Variants in ENOPH1 observed in about 807,000 individuals in gnomAD.
ENOPH1 encodes the protein enolase-phosphatase 1.
ENOPH1 carries 14 observed loss-of-function variants against 31.1 expected under a neutral mutation model. The ratio of observed to expected loss-of-function variants is 0.45; its 90% CI spans 0.30 to 0.70. The LOEUF is 0.70. Ranked by LOEUF, ENOPH1 falls within the 30% of genes least tolerant of loss-of-function variation. The pLI, the probability that ENOPH1 is intolerant of heterozygous loss-of-function variation, is 0.09. For missense variants in ENOPH1, 243 were observed against 321.5 expected (o/e 0.76, Z 1.87); for synonymous variants, 127 against 123.2 (o/e 1.03, Z -0.21).
chr4:82,455,034 G>GT (rs1722447587), intron 4 of ENOPH1, among the ~76,000 whole-genome samples, 180 bp downstream of exon 4: 1 of 151,752 alleles, frequency 6.6e-6, no homozygotes, highest in Non-Finnish European at 1.5e-5. Flanking sequence ...ATATAAGGTT[G>GT]TTATATAAAG....
chr4:82,430,723 G>A lies in ENOPH1; in HGVS notation c.-107G>A. ...ACTTGGTCGCTGGCTCCGAGATCGCGCGGGGCCGCCGGAAGCCCAAGACGG... is the reference window on the plus strand; with the variant it reads ...ACTTGGTCGCTGGCTCCGAGATCGCACGGGGCCGCCGGAAGCCCAAGACGG... On this transcript the variant is annotated 5_prime_UTR_variant, in exon 1 of 6. Coordinates refer to ENST00000273920, the MANE Select transcript of ENOPH1 (RefSeq NM_021204.5). 9.7e-7 allele frequency: 1 copy of A among 1,026,212 alleles called. No individual in the cohort carries two copies. Among genetic ancestry groups the A allele is most frequent in the Non-Finnish European group, 1.5e-6 (1 of 681,286 alleles). The allele number at this position is 1,026,212 out of a possible 1,614,324, so 63.6% of individuals were successfully genotyped here.
At chr4:82,455,703 T>G (rs943358198) in intron 4 of ENOPH1, among the ~76,000 whole-genome samples, 3 of 152,052 alleles carry the variant, frequency 2.0e-5, no homozygotes, top group South Asian at 2.1e-4. Context: ...GGAGAATGGC[T>G]TGAACCCAGG....
intron 1 of ENOPH1, among the ~76,000 whole-genome samples, chr4:82,431,915 CT>C (rs35670686): frequency 0.069 from 9,849 of 143,122 alleles, 287 homozygotes; most frequent in Admixed American, 0.092. Flanking sequence ...GTGAATAAGG[CT>C]TTTTTTTTTT....
chr4:82,439,301 A>G (rs773642703), intron 1 of ENOPH1, among the ~76,000 whole-genome samples: 1 of 152,152 alleles, frequency 6.6e-6, no homozygotes, highest in Non-Finnish European at 1.5e-5. Context: ...TGGACCTGGT[A>G]CCCCTTTACT....
intron 1 of ENOPH1, among the ~76,000 whole-genome samples, chr4:82,445,873 G>GT (rs1722161967): frequency 6.6e-6 from 1 of 152,236 alleles, no homozygotes; most frequent in African/African-American, 2.4e-5. Flanking sequence ...GAACTCTAAA[G>GT]TAATCTCCAA....
At chr4:82,455,215 G>A (rs1722453790) in intron 4 of ENOPH1, among the ~76,000 whole-genome samples, 1 of 152,132 alleles carries the variant, frequency 6.6e-6, no homozygotes, top group Admixed American at 6.5e-5. Flanking sequence ...CATTATTATA[G>A]GAGAACCAGG....
intron 3 of ENOPH1, among the ~76,000 whole-genome samples, chr4:82,453,257 T>C (rs1722401323): frequency 6.6e-6 from 1 of 152,198 alleles, no homozygotes; most frequent in Non-Finnish European, 1.5e-5. Flanking sequence ...GGATCCAAGA[T>C]TGTTTCCAGC....
intron 3 of ENOPH1, among the ~76,000 whole-genome samples, chr4:82,452,839 T>G (rs1722384876): frequency 6.6e-6 from 1 of 151,698 alleles, no homozygotes; most frequent in African/African-American, 2.4e-5. Context: ...CCACCTACCT[T>G]GGCCTCCCAA....
intron 3 of ENOPH1, among the ~76,000 whole-genome samples, chr4:82,454,220 A>G (rs1326754119): frequency 6.6e-6 from 1 of 152,134 alleles, no homozygotes; most frequent in Non-Finnish European, 1.5e-5. Flanking sequence ...TCTCAAAAAA[A>G]AGTAATTCCA....
chr4:82,446,964 CCAAAGTGCTGGGATTA>C (rs1722208450), intron 1 of ENOPH1, among the ~76,000 whole-genome samples: 1 of 151,500 alleles, frequency 6.6e-6, no homozygotes, highest in African/African-American at 2.4e-5. Flanking sequence ...CCTCGGCCTC[CCAAAGTGCTGGGATTA>C]CAGGCGTGAG....
At chr4:82,447,843 G>A in intron 1 of ENOPH1, 77 bp from the exon 2 acceptor site, 1 of 806,148 alleles carries the variant, frequency 1.2e-6, no homozygotes, top group Non-Finnish European at 1.9e-6. Flanking sequence ...AGTTATGTAG[G>A]TAAGATTGTG....
intron 1 of ENOPH1, among the ~76,000 whole-genome samples, chr4:82,445,293 T>C (rs950579658): frequency 6.6e-6 from 1 of 152,202 alleles, no homozygotes; most frequent in East Asian, 1.9e-4. Flanking sequence ...ATAAGCAACT[T>C]GAAGGCATTG....
chr4:82,440,541 A>C (rs1287796201), intron 1 of ENOPH1, among the ~76,000 whole-genome samples: 1 of 152,220 alleles, frequency 6.6e-6, no homozygotes, highest in African/African-American at 2.4e-5. Context: ...AGGCAGATTC[A>C]AGGAGATGAA....
In ENOPH1 at chr4:82,438,155, C is replaced by A. The variant is rs533839711; in HGVS notation, c.84+7242C>A. Among the ~76,000 whole-genome samples the A allele has an allele frequency of 8.5e-5, 13 of 152,200 alleles. 1 individual carries two copies. The East Asian group carries it at 2.5e-3, about 29-fold the overall frequency. On this transcript the variant is annotated intron_variant, in intron 1 of 5. Coordinates refer to ENST00000273920, the MANE Select transcript of ENOPH1 (RefSeq NM_021204.5). ...AGACTAGAGGAAAGGTTTTTCTACC[C>A]CCCCAAATATTCTTCCTAGAAAATT...
intron 1 of ENOPH1, among the ~76,000 whole-genome samples, chr4:82,446,200 T>A (rs970004136): frequency 2.0e-5 from 3 of 152,022 alleles, no homozygotes; most frequent in African/African-American, 7.2e-5. Flanking sequence ...GGTGGATCAT[T>A]TGAGGTCAGG....
intron 3 of ENOPH1, among the ~76,000 whole-genome samples, chr4:82,452,594 A>G (rs6822360): frequency 0.17 from 25,345 of 151,110 alleles, 3,645 homozygotes; most frequent in African/African-American, 0.37. Flanking sequence ...CTCCCGGCCT[A>G]TTTTTGTTTT....
intron 3 of ENOPH1, among the ~76,000 whole-genome samples, chr4:82,453,028 A>T (rs1475464848): frequency 1.3e-5 from 2 of 151,128 alleles, no homozygotes; most frequent in African/African-American, 4.9e-5. Flanking sequence ...CAGCCTCCCG[A>T]GTAGCTGGGA....
chr4:82,449,464 A>G (rs924527619), intron 2 of ENOPH1, among the ~76,000 whole-genome samples: 10 of 152,168 alleles, frequency 6.6e-5, no homozygotes, highest in African/African-American at 2.4e-4. Flanking sequence ...TCTAATCATG[A>G]TGGAAGGCAA....
intron 5 of ENOPH1, among the ~76,000 whole-genome samples, chr4:82,458,077 A>AGGCAGTGG (rs57629634): frequency 2.6e-5 from 4 of 151,422 alleles, no homozygotes; most frequent in African/African-American, 9.7e-5. Flanking sequence ...ATACACACTT[A>AGGCAGTGG]GGCCAGAACT....
Sources: allele counts gnomAD v4.1 joint callset (sites outside exome capture counted in the v4.1 genomes callset), GRCh38; gene constraint gnomAD v4.1.1; transcripts MANE v1.5; gene names NCBI Gene and HGNC (gene_info 2026-07-23, HGNC 2026-07-21).